The following NCAM1 variants were observed in gnomAD, a reference collection of about 807,000 sequenced individuals.
NCAM1 encodes antigen recognized by monoclonal antibody 5.1H11.
Under a neutral mutation model 109.8 loss-of-function variants are expected in NCAM1, and 14 were observed. The ratio of observed to expected loss-of-function variants is 0.13; its 90% CI spans 0.08 to 0.20. NCAM1 has a LOEUF of 0.20. Ranked by LOEUF, NCAM1 falls within the 10% of genes least tolerant of loss-of-function variation. The pLI, the probability that NCAM1 is intolerant of heterozygous loss-of-function variation, is 1.00. For missense variants in NCAM1, 774 were observed against 1,109.9 expected (o/e 0.70, Z 4.30); for synonymous variants, 418 against 442.9 (o/e 0.94, Z 0.70).
intron 17 of NCAM1, chr11:113,269,823 C>T: frequency 3.2e-6 from 1 of 309,252 alleles, no homozygotes; most frequent in Non-Finnish European, 6.2e-6. Flanking sequence ...CCTGCCTGTG[C>T]TGCAAAGCCT....
chr11:113,062,779 C>T (rs1555083630), intron 1 of NCAM1, among the ~76,000 whole-genome samples: 1 of 152,080 alleles, frequency 6.6e-6, no homozygotes, highest in Non-Finnish European at 1.5e-5. Flanking sequence ...CGAGACCAGT[C>T]TGGGCAACAT....
intron 1 of NCAM1, among the ~76,000 whole-genome samples, chr11:112,998,168 A>C (rs1221815303): frequency 6.6e-6 from 1 of 152,174 alleles, no homozygotes; most frequent in East Asian, 1.9e-4. Flanking sequence ...GCCAACAAGA[A>C]CTTTTGCCAT....
intron 1 of NCAM1, among the ~76,000 whole-genome samples, chr11:113,004,733 G>A (rs1353121134): frequency 1.3e-5 from 2 of 151,586 alleles, no homozygotes; most frequent in East Asian, 3.9e-4. Flanking sequence ...TGGTCTCTTT[G>A]CCTTTATTTT....
intron 1 of NCAM1, among the ~76,000 whole-genome samples, chr11:113,177,658 C>T (rs1555107289): frequency 6.6e-6 from 1 of 152,106 alleles, no homozygotes; most frequent in Non-Finnish European, 1.5e-5. Context: ...GTCTCAAACT[C>T]CCGACCTCAG....
chr11:113,047,821 C>T (rs930312089), intron 1 of NCAM1, among the ~76,000 whole-genome samples: 5 of 152,116 alleles, frequency 3.3e-5, no homozygotes, highest in African/African-American at 7.2e-5. Context: ...TCTTGTGAGA[C>T]GTATTCACTA....
intron 1 of NCAM1, among the ~76,000 whole-genome samples, chr11:113,197,904 CT>C (rs1462063086): frequency 6.6e-6 from 1 of 152,184 alleles, no homozygotes; most frequent in Non-Finnish European, 1.5e-5. Flanking sequence ...TTTTAATTCA[CT>C]TTTCTTCAGC....
chr11:113,230,710 A>G (rs999314418), intron 9 of NCAM1, among the ~76,000 whole-genome samples: 6 of 152,218 alleles, frequency 3.9e-5, no homozygotes, highest in Non-Finnish European at 7.4e-5. Context: ...ACTGGAGACA[A>G]GAGGGCCCAG....
chr11:113,205,785 G>A, intron 4 of NCAM1, 119 bp downstream of exon 4: 1 of 1,381,270 alleles, frequency 7.2e-7, no homozygotes, highest in South Asian at 1.4e-5. Context: ...GAACCCTCAT[G>A]TGGTTTCTGG....
chr11:113,264,965 T>C, intron 17 of NCAM1: 1 of 985,014 alleles, frequency 1.0e-6, no homozygotes, highest in South Asian at 4.7e-5. Flanking sequence ...CCTGCAGGAG[T>C]GAGTGCACCC....
intron 9 of NCAM1, chr11:113,231,089 T>A: frequency 2.6e-6 from 3 of 1,132,808 alleles, no homozygotes; most frequent in Non-Finnish European, 3.7e-6. Flanking sequence ...TGGCTTGTTT[T>A]TACATGTGAT....
At chr11:113,065,098 C>T (rs1192698215) in intron 1 of NCAM1, among the ~76,000 whole-genome samples, 2 of 152,090 alleles carry the variant, frequency 1.3e-5, no homozygotes, top group East Asian at 3.9e-4. Context: ...AAAAGAAAAA[C>T]AAAAATCCAC....
In NCAM1 at chr11:112,980,212, T is replaced by C. The variant is rs565624310; in HGVS notation, c.52+18548T>C. Among the ~76,000 whole-genome samples the C allele has an allele frequency of 2.7e-3, 406 of 151,814 alleles. 1 individual carries two copies. Among genetic ancestry groups the C allele is most frequent in the African/African-American group, 9.4e-3 (391 of 41,478 alleles). Reference sequence around the variant, plus strand: ...GTAACAGCAAGTATTAATAATGTTGTGGAAAAATTGGAACCCTCAAACACT... The same window carrying C: ...GTAACAGCAAGTATTAATAATGTTGCGGAAAAATTGGAACCCTCAAACACT... On this transcript the variant is annotated intron_variant, in intron 1 of 19. Coordinates refer to ENST00000316851, the MANE Select transcript of NCAM1 (RefSeq NM_181351.5).
intron 1 of NCAM1, among the ~76,000 whole-genome samples, chr11:113,135,023 C>T (rs1212231848): frequency 2.6e-5 from 4 of 152,056 alleles, no homozygotes; most frequent in Admixed American, 6.5e-5. Flanking sequence ...AGACCTTACC[C>T]GTCATTGAGT....
intron 1 of NCAM1, among the ~76,000 whole-genome samples, chr11:113,099,609 T>G (rs1264464044): frequency 6.6e-6 from 1 of 152,220 alleles, no homozygotes; most frequent in Non-Finnish European, 1.5e-5. Context: ...CCCAAAGCCA[T>G]CTTTAGCAAA....
chr11:113,240,802 G>T, intron 14 of NCAM1: 1 of 1,612,994 alleles, frequency 6.2e-7, no homozygotes, highest in Non-Finnish European at 8.5e-7. Context: ...CTGCTAGCTC[G>T]TCTACCCCTG....
intron 1 of NCAM1, among the ~76,000 whole-genome samples, chr11:113,057,280 A>G (rs550161551): frequency 3.5e-4 from 53 of 152,174 alleles, no homozygotes; most frequent in Non-Finnish European, 3.7e-4. Context: ...CAGAGAGGGG[A>G]CAACATTGGC....
intron 1 of NCAM1, among the ~76,000 whole-genome samples, chr11:113,071,598 TG>T (rs1409340463): frequency 6.6e-6 from 1 of 152,016 alleles, no homozygotes; most frequent in Admixed American, 6.5e-5. Flanking sequence ...GCTAATTTTT[TG>T]TATTTTTAGT....
intron 1 of NCAM1, among the ~76,000 whole-genome samples, chr11:113,120,264 CCT>C (rs374297105): frequency 7.2e-5 from 11 of 152,102 alleles, no homozygotes; most frequent in African/African-American, 2.7e-4. Context: ...CCATTAGCAC[CCT>C]GTGGGCTGAC....
intron 1 of NCAM1, among the ~76,000 whole-genome samples, chr11:113,122,225 A>C (rs1218209725): frequency 6.6e-6 from 1 of 152,212 alleles, no homozygotes; most frequent in East Asian, 1.9e-4. Flanking sequence ...AAGTTATTTA[A>C]TCTTTGAAAG....
Sources: gnomAD v4.1 joint callset for allele counts (sites outside exome capture counted in the v4.1 genomes callset) on GRCh38, gnomAD v4.1.1 for gene constraint, MANE v1.5 for transcripts, NCBI Gene and HGNC (gene_info 2026-07-23, HGNC 2026-07-21) for gene names.